The following LIPA variants were observed in gnomAD, a reference collection of about 807,000 sequenced individuals.
LIPA encodes lysosomal acid lipase/cholesteryl ester hydrolase.
LIPA carries 26 observed loss-of-function variants against 40.6 expected under a neutral mutation model. The ratio of observed to expected loss-of-function variants is 0.64; its 90% CI spans 0.47 to 0.89. LIPA has a LOEUF of 0.89. LIPA is among the 40% of genes least tolerant of loss of function. The probability of loss-of-function intolerance (pLI) is 0.00; values close to 1 mark genes in which losing one functional copy is unlikely to be tolerated. For missense variants in LIPA, 455 were observed against 479.6 expected (o/e 0.95, Z 0.48); for synonymous variants, 188 against 168.4 (o/e 1.12, Z -0.90).
chr10:89,227,191 A>G (rs1290310655), intron 4 of LIPA, among the ~76,000 whole-genome samples, 187 bp from the exon 5 acceptor site: 2 of 152,254 alleles, frequency 1.3e-5, no homozygotes, highest in East Asian at 1.9e-4. Context: ...GTGTCTCCCA[A>G]AAGTAACTAT....
At chr10:89,399,566 G>A (rs304484) in intron 2 of LIPA, among the ~76,000 whole-genome samples, 2 of 151,752 alleles carry the variant, frequency 1.3e-5, no homozygotes, top group Non-Finnish European at 2.9e-5. Flanking sequence ...TAAAGTAAGG[G>A]TCCAACTTTA....
upstream of LIPA, among the ~76,000 whole-genome samples, chr10:89,345,840 G>A (rs991426452): frequency 7.2e-5 from 11 of 152,158 alleles, no homozygotes; most frequent in African/African-American, 2.7e-4. Flanking sequence ...CATGTGATCA[G>A]AGTTGCAGAA....
At chr10:89,329,256 G>A (rs934469498) in intron 1 of LIPA, among the ~76,000 whole-genome samples, 4 of 152,164 alleles carry the variant, frequency 2.6e-5, no homozygotes, top group Non-Finnish European at 4.4e-5. Flanking sequence ...TTGGGGATGA[G>A]ATGGGTAAGA....
Position 89,225,226 on chromosome 10 carries a change from A to T in LIPA, c.541T>A (p.Phe181Ile). 2 of 1,614,142 alleles carry T rather than the reference A, an allele frequency of 1.2e-6. No homozygotes were observed. Among genetic ancestry groups the T allele is most frequent in the Non-Finnish European group, 1.7e-6 (2 of 1,179,998 alleles). The change falls in exon 6 of 10, where the codon TTT becomes ATT. Residue 181 changes from phenylalanine (F) to isoleucine (I), a missense_variant and splice_region_variant. Transcript: ENST00000336233. ...VGHSQGTTIG[F>I]IAFSQIPELA... The stretch of plus-strand genomic sequence containing the variant: ...TCAGGGATCTGTGAAAATGCTATAA[A>T]ACCTGTGAGAACAAAGGACAGAAAA...
intron 1 of LIPA, among the ~76,000 whole-genome samples, chr10:89,256,791 G>C (rs1253668147): frequency 6.6e-6 from 1 of 152,202 alleles, no homozygotes; most frequent in African/African-American, 2.4e-5. Flanking sequence ...ATCCGTGAGT[G>C]AATGAATGAA....
chr10:89,344,706 C>A (rs560987018), upstream of LIPA, among the ~76,000 whole-genome samples: 1 of 151,906 alleles, frequency 6.6e-6, no homozygotes, highest in Non-Finnish European at 1.5e-5. Context: ...AATAAAAACA[C>A]CCCTCAAAGG....
chr10:89,381,313 T>C (rs1404741502), intron 2 of LIPA, among the ~76,000 whole-genome samples: 3 of 152,152 alleles, frequency 2.0e-5, no homozygotes, highest in Non-Finnish European at 4.4e-5. Flanking sequence ...CGATTCCATC[T>C]TCTGTAGGGG....
At chr10:89,240,848 T>C (rs1842956686) in intron 3 of LIPA, among the ~76,000 whole-genome samples, 1 of 152,068 alleles carries the variant, frequency 6.6e-6, no homozygotes, top group Admixed American at 6.5e-5. Flanking sequence ...TAAATCGCAA[T>C]GTCACAGGAG....
chr10:89,293,960 T>C (rs1016941253), intron 1 of LIPA, among the ~76,000 whole-genome samples: 2 of 152,220 alleles, frequency 1.3e-5, no homozygotes, highest in African/African-American at 4.8e-5. Flanking sequence ...TGATAGAATA[T>C]AAGCTCCATG....
intron 1 of LIPA, among the ~76,000 whole-genome samples, chr10:89,321,511 C>A (rs1843571850): frequency 6.6e-6 from 1 of 152,158 alleles, no homozygotes; most frequent in Non-Finnish European, 1.5e-5. Flanking sequence ...AAATCAAAAC[C>A]ACAATGAGAT....
intron 1 of LIPA, among the ~76,000 whole-genome samples, chr10:89,262,903 G>A (rs1843218366): frequency 6.6e-6 from 1 of 152,200 alleles, no homozygotes; most frequent in African/African-American, 2.4e-5. Context: ...CACTTTTTGT[G>A]AAGGGAACAG....
At chr10:89,273,379 T>C (rs1843275409) in intron 1 of LIPA, among the ~76,000 whole-genome samples, 1 of 152,084 alleles carries the variant, frequency 6.6e-6, no homozygotes, top group South Asian at 2.1e-4. Flanking sequence ...GTGACTGTTT[T>C]GGGGGTACTG....
intron 3 of LIPA, among the ~76,000 whole-genome samples, chr10:89,238,918 CT>C (rs1842935938): frequency 6.6e-6 from 1 of 152,142 alleles, no homozygotes; most frequent in South Asian, 2.1e-4. Context: ...GACAGCACCC[CT>C]AACCCCCATG....
intron 1 of LIPA, chr10:89,307,969 G>T (rs1408917321): frequency 6.5e-6 from 1 of 152,776 alleles, no homozygotes; most frequent in African/African-American, 2.4e-5. Flanking sequence ...AATTGAGGTG[G>T]CAACATAGTT....
At position 89,247,628 on chromosome 10, in the gene LIPA, C is replaced by G. The variant is rs776638911; in HGVS notation, c.21G>C (p.Gly7=). 1 of 1,611,268 alleles carries G rather than the reference C, an allele frequency of 6.2e-7. No individual in the cohort carries two copies. The highest frequency in any genetic ancestry group is 1.1e-5 in the South Asian group (1 of 91,034). Residue 7 remains glycine (G), a synonymous_variant, in exon 2 of 10, where the codon GGG becomes GGC. Coordinates refer to ENST00000336233, the MANE Select transcript of LIPA (RefSeq NM_000235.4). MKMRFL[G]LVVCLVLWTL... ...TCCAGAGAACCAAACAGACCACCAACCCCAAGAACCGCATTTTCATTCTGT... is the reference window on the plus strand; with the variant it reads ...TCCAGAGAACCAAACAGACCACCAAGCCCAAGAACCGCATTTTCATTCTGT...
At chr10:89,390,073 A>G (rs868812076) in intron 2 of LIPA, among the ~76,000 whole-genome samples, 6 of 129,604 alleles carry the variant, frequency 4.6e-5, no homozygotes, top group Middle Eastern at 4.6e-3. Flanking sequence ...CACAACCTCC[A>G]CCTCCCGGGT....
chr10:89,308,403 G>T (rs1180331095), intron 1 of LIPA: 1 of 152,024 alleles, frequency 6.6e-6, no homozygotes, highest in Non-Finnish European at 1.5e-5. Flanking sequence ...GCAACAAAAC[G>T]TGGGAACCTG....
In LIPA at chr10:89,383,839, G is replaced by A. The variant is rs148271216; in HGVS notation, c.61+28952C>T. ...TCTGGAAGGGAACCCTGAAAACCCT[G>A]AATTCAATACTGGGTACGCAATCAC... On this transcript the variant is annotated intron_variant, in intron 2 of 8. Coordinates refer to the LIPA transcript ENST00000371837. 6.4e-5 allele frequency: 103 copies of A among 1,614,220 alleles called. No individual in the cohort carries two copies. The African/African-American group carries it at 1.2e-3, about 19-fold the overall frequency.
chr10:89,351,879 T>A (rs1843961192), intron 2 of LIPA, among the ~76,000 whole-genome samples: 1 of 152,172 alleles, frequency 6.6e-6, no homozygotes, highest in Non-Finnish European at 1.5e-5. Flanking sequence ...AAAAATTGAT[T>A]TTTCAAACTC....
Sources: gnomAD v4.1 joint callset for allele counts (sites outside exome capture counted in the v4.1 genomes callset) on GRCh38, gnomAD v4.1.1 for gene constraint, MANE v1.5 for transcripts, NCBI Gene and HGNC (gene_info 2026-07-23, HGNC 2026-07-21) for gene names.